ATXN7L1: variants seen among roughly 807,000 people sequenced by gnomAD.
ATXN7L1 encodes ataxin-7-like protein 1.
A neutral mutation model predicts 70.8 loss-of-function variants in ATXN7L1; 15 were observed. That is an observed-to-expected ratio of 0.21 (90% CI 0.14 to 0.33). ATXN7L1 has a LOEUF of 0.33. ATXN7L1 is among the 10% of genes least tolerant of loss of function. The probability of loss-of-function intolerance (pLI) is 1.00; values close to 1 mark genes in which losing one functional copy is unlikely to be tolerated. For synonymous variants in ATXN7L1, 440 were observed against 445.1 expected (o/e 0.99, Z 0.14); for missense variants, 975 against 1,097.1 (o/e 0.89, Z 1.57).
intron 3 of ATXN7L1, among the ~76,000 whole-genome samples, chr7:105,757,193 T>C (rs936450666): frequency 1.3e-5 from 2 of 152,100 alleles, no homozygotes; most frequent in African/African-American, 2.4e-5. Context: ...TCCTAGGGAT[T>C]GTATTTTTGA....
At position 105,614,119 on chromosome 7, in the gene ATXN7L1, T is replaced by G. The variant is rs748767907; in HGVS notation, c.2215A>C (p.Ser739Arg). ...ACAGAGAGGGGACAGGAGTCACTGC[T>G]GCCTCCCACCGCGCCCACCTGTCTC... ...IVRQVGAVGG[S>R]SDSCPLSVPS... is the part of the protein sequence containing the mutation. Residue 739 changes from serine (S) to arginine (R), a missense_variant, in exon 10 of 12, where the codon AGC becomes CGC. Ser to Arg is a moderately radical substitution (Grantham distance 110). Around this residue, in one of 5 missense-constraint regions of ATXN7L1, gnomAD observed 635 missense variants for 699.4 expected, o/e 0.91. Coordinates refer to ENST00000419735, the MANE Select transcript of ATXN7L1 (RefSeq NM_020725.2). This position sits in a 1 kb window ranked among gnomAD's most constrained non-coding sequence, Gnocchi z 4.3. The G allele has an allele frequency of 6.4e-7, 1 of 1,551,592 alleles. No individual in the cohort carries two copies. The highest frequency in any genetic ancestry group is 1.7e-4 in the Middle Eastern group (1 of 5,992).
chr7:105,868,592 C>T (rs549639295), intron 2 of ATXN7L1, among the ~76,000 whole-genome samples: 34 of 152,118 alleles, frequency 2.2e-4, no homozygotes, highest in South Asian at 4.2e-4. Context: ...CTATCATTCA[C>T]GTGAGAACAA....
chr7:105,652,196 GCT>G (rs1799954295), intron 4 of ATXN7L1, among the ~76,000 whole-genome samples: 3 of 152,170 alleles, frequency 2.0e-5, no homozygotes, highest in Non-Finnish European at 4.4e-5. Flanking sequence ...TTTGGGACCA[GCT>G]GTGTCTGCAG....
chr7:105,820,039 A>G, intron 2 of ATXN7L1: 1 of 418,206 alleles, frequency 2.4e-6, no homozygotes. Flanking sequence ...GGGTGAAAAG[A>G]ACGTGGAGAA....
chr7:105,729,087 G>T (rs1002910867), intron 3 of ATXN7L1, among the ~76,000 whole-genome samples: 1 of 151,988 alleles, frequency 6.6e-6, no homozygotes, highest in Non-Finnish European at 1.5e-5. Context: ...AACACAGTGA[G>T]ACCCATCTCT....
intron 7 of ATXN7L1, 104 bp from the exon 8 acceptor site, chr7:105,624,371 G>T: frequency 1.7e-6 from 2 of 1,161,392 alleles, no homozygotes; most frequent in Non-Finnish European, 2.2e-6. Context: ...CCTGATTAAG[G>T]CCAGGTTCGG....
chr7:105,620,962 A>T (rs1794850196), intron 8 of ATXN7L1, among the ~76,000 whole-genome samples: 1 of 151,754 alleles, frequency 6.6e-6, no homozygotes, highest in Non-Finnish European at 1.5e-5. Flanking sequence ...TGTTTGTCCT[A>T]TTATCAGCCA....
intron 3 of ATXN7L1, among the ~76,000 whole-genome samples, chr7:105,678,684 C>T (rs533883793): frequency 1.2e-4 from 18 of 152,300 alleles, no homozygotes; most frequent in Non-Finnish European, 2.5e-4. Flanking sequence ...GGGGTTGACA[C>T]GCCGGGAAGG....
At chr7:105,849,747 A>G (rs991578174) in intron 2 of ATXN7L1, among the ~76,000 whole-genome samples, 2 of 152,192 alleles carry the variant, frequency 1.3e-5, no homozygotes, top group African/African-American at 4.8e-5. Context: ...GGTGCTCTGA[A>G]GTCTGGGCCA....
At chr7:105,610,467 C>T in intron 11 of ATXN7L1, 62 bp downstream of exon 11, 1 of 1,406,892 alleles carries the variant, frequency 7.1e-7, no homozygotes, top group South Asian at 1.3e-5. Context: ...AGTGTCCAAA[C>T]TCTTTCCACT....
At chr7:105,722,560 T>TAAAAAAAAAAAAA (rs56228890) in intron 3 of ATXN7L1, among the ~76,000 whole-genome samples, 1 of 20,838 alleles carries the variant, frequency 4.8e-5, no homozygotes, top group Non-Finnish European at 9.8e-5. Context: ...GACTCTGCCT[T>TAAAAAAAAAAAAA]AAAAAAAAAA....
chr7:105,851,574 C>T (rs1814885328), intron 2 of ATXN7L1, among the ~76,000 whole-genome samples: 1 of 152,202 alleles, frequency 6.6e-6, no homozygotes, highest in Non-Finnish European at 1.5e-5. Context: ...ATCACAAACC[C>T]TAACACCAAA....
At chr7:105,679,191 G>T (rs1026033280) in intron 3 of ATXN7L1, 5 of 960,584 alleles carry the variant, frequency 5.2e-6, no homozygotes, top group Non-Finnish European at 6.2e-6. Flanking sequence ...CTTTAAGAGA[G>T]CACGCCCAGA....
rs1798479902 is a variant in ATXN7L1, at chr7:105,642,938, T to G, written c.762A>C (p.Pro254=). 6.4e-7 allele frequency: 1 copy of G among 1,551,720 alleles called. No individual in the cohort carries two copies. Among genetic ancestry groups the G allele is most frequent in the Admixed American group, 2.0e-5 (1 of 50,998 alleles). Residue 254 remains proline, a synonymous_variant, in exon 5 of 12, where the codon CCA becomes CCC. Transcript: ENST00000419735. The stretch of plus-strand genomic sequence containing the variant: ...TTCCTTTGCCATTTAAGATCTTCTC[T>G]GGTGAAGGTGGCACTGACTTGGACA... ...VLMSKSVPPS[P]EKILNGKGIL...
At chr7:105,643,672 G>T (rs898387510) in intron 4 of ATXN7L1, among the ~76,000 whole-genome samples, 2 of 152,240 alleles carry the variant, frequency 1.3e-5, no homozygotes, top group Non-Finnish European at 2.9e-5. Context: ...GACGGCTTCT[G>T]GATCACTCTC....
intron 2 of ATXN7L1, among the ~76,000 whole-genome samples, chr7:105,855,188 C>T (rs542339772): frequency 3.3e-5 from 5 of 152,152 alleles, no homozygotes; most frequent in Non-Finnish European, 7.4e-5. Flanking sequence ...CTCTTGGCCT[C>T]GTGATCCGTC....
chr7:105,876,567 C>A lies in ATXN7L1; in HGVS notation c.-9G>T, dbSNP rs1486812520. 5.2e-6 allele frequency: 7 copies of A among 1,348,194 alleles called. 1 individual carries two copies. In the East Asian group the frequency reaches 3.4e-4, roughly 66 times the overall value. 83.5% of individuals were successfully genotyped at this position (1,348,194 alleles called of 1,614,324 possible). A position where few individuals can be genotyped will look rare whatever the true frequency, so the allele number is the denominator to read the frequency against. ...GAACGCTCCGACGTCATCTTCGGAA[C>A]GTTCCGACATTGAGTGTTCTGAAAG... is the stretch of plus-strand genomic sequence containing the variant. On this transcript the variant is annotated 5_prime_UTR_variant, in exon 1 of 12. Transcript: ENST00000419735.
At chr7:105,846,507 C>T (rs145951331) in intron 2 of ATXN7L1, among the ~76,000 whole-genome samples, 331 of 152,286 alleles carry the variant, frequency 2.2e-3, no homozygotes, top group African/African-American at 7.5e-3. Context: ...AACCCTCATA[C>T]ATTGTTGGTG....
chr7:105,705,792 C>T (rs669641), intron 3 of ATXN7L1, among the ~76,000 whole-genome samples: 65,620 of 152,022 alleles, frequency 0.43, 16,825 homozygotes, highest in African/African-American at 0.71. Context: ...GCATTTGGGA[C>T]ACTTAGGAGA....
Sources: allele counts gnomAD v4.1 joint callset (sites outside exome capture counted in the v4.1 genomes callset), GRCh38; gene constraint gnomAD v4.1.1; regional missense constraint gnomAD v4.1.1; non-coding constraint Gnocchi (gnomAD v3.1); transcripts MANE v1.5; gene names NCBI Gene and HGNC (gene_info 2026-07-23, HGNC 2026-07-21).